LYPD6B: variants seen among roughly 807,000 people sequenced by gnomAD.
LYPD6B encodes the protein LY6/PLAUR domain containing 6B, also known as ly6/PLAUR domain-containing protein 6B.
LYPD6B carries 17 observed loss-of-function variants against 22.8 expected under a neutral mutation model. The ratio of observed to expected loss-of-function variants is 0.75; its 90% CI spans 0.51 to 1.12. The LOEUF is 1.12. Among genes scored for constraint, LYPD6B ranks in the 50% most tolerant of loss-of-function variants. The probability of loss-of-function intolerance (pLI) is 0.00; values close to 1 mark genes in which losing one functional copy is unlikely to be tolerated. For synonymous variants in LYPD6B, 106 were observed against 91.6 expected, an observed-to-expected ratio of 1.16 and a Z score of -0.90; for missense variants, 221 against 258.3, an observed-to-expected ratio of 0.86 and a Z score of 0.99.
At chr2:149,159,726 C>T (rs1689931783) in intron 2 of LYPD6B, among the ~76,000 whole-genome samples, 1 of 151,650 alleles carries the variant, frequency 6.6e-6, no homozygotes, top group African/African-American at 2.4e-5. Flanking sequence ...GGCAGGCTAC[C>T]AGGTTGGAGA....
intron 1 of LYPD6B, among the ~76,000 whole-genome samples, chr2:149,042,203 C>T (rs570636395): frequency 3.3e-5 from 5 of 152,328 alleles, no homozygotes; most frequent in South Asian, 4.1e-4. Flanking sequence ...GTCCAAAGAG[C>T]GATAACTTTG....
At chr2:149,068,724 G>T (rs1300894563) in intron 1 of LYPD6B, 3 of 541,236 alleles carry the variant, frequency 5.5e-6, no homozygotes, top group Non-Finnish European at 1.1e-5. Flanking sequence ...GCAACATCCT[G>T]ACAGTCATCC....
chr2:149,077,008 G>C (rs116400879), intron 1 of LYPD6B, among the ~76,000 whole-genome samples: 2,431 of 152,246 alleles, frequency 0.016, 58 homozygotes, highest in African/African-American at 0.056. Flanking sequence ...GTAGGTGCAG[G>C]GTTTGTAGCC....
intron 3 of LYPD6B, among the ~76,000 whole-genome samples, chr2:149,192,260 C>G (rs1183590953): frequency 1.3e-5 from 2 of 152,024 alleles, no homozygotes; most frequent in Non-Finnish European, 2.9e-5. Context: ...TTCCAGGAAA[C>G]AGTATTAAAT....
At chr2:149,172,452 T>C (rs746964150) in intron 3 of LYPD6B, among the ~76,000 whole-genome samples, 5 of 152,234 alleles carry the variant, frequency 3.3e-5, no homozygotes, top group Admixed American at 6.5e-5. Flanking sequence ...ATGCGTGGAT[T>C]TGTAAGGGCA....
intron 3 of LYPD6B, among the ~76,000 whole-genome samples, chr2:149,170,431 A>G (rs988763907): frequency 2.0e-5 from 3 of 152,116 alleles, no homozygotes; most frequent in Non-Finnish European, 2.9e-5. Flanking sequence ...TCTCTGTGCT[A>G]TATTCTGTTC....
At chr2:149,064,900 G>T (rs2105334118) in intron 1 of LYPD6B, among the ~76,000 whole-genome samples, 1 of 152,280 alleles carries the variant, frequency 6.6e-6, no homozygotes, top group East Asian at 1.9e-4. Context: ...GTCACCTTCT[G>T]GTGCTTTGGT....
At chr2:149,145,234 A>G (rs1316481564) in intron 2 of LYPD6B, among the ~76,000 whole-genome samples, 1 of 152,200 alleles carries the variant, frequency 6.6e-6, no homozygotes, top group African/African-American at 2.4e-5. Flanking sequence ...TCAAATTTCC[A>G]ATAGCTTCAT....
At chr2:149,128,718 C>A (rs1362955014) in intron 1 of LYPD6B, among the ~76,000 whole-genome samples, 1 of 152,134 alleles carries the variant, frequency 6.6e-6, no homozygotes, top group Non-Finnish European at 1.5e-5. Flanking sequence ...GTCAAAATTT[C>A]TTAGGGAAAT....
At chr2:149,116,358 G>C (rs980397187) in intron 1 of LYPD6B, among the ~76,000 whole-genome samples, 15 of 152,092 alleles carry the variant, frequency 9.9e-5, no homozygotes, top group African/African-American at 2.4e-4. Context: ...ACAAAGAGAG[G>C]GGAGATCTAC....
intron 1 of LYPD6B, among the ~76,000 whole-genome samples, chr2:149,096,200 T>G (rs1188756944): frequency 2.0e-5 from 3 of 150,344 alleles, no homozygotes; most frequent in Non-Finnish European, 4.4e-5. Context: ...ACGGAGAGAC[T>G]GAGACACAGA....
rs374365238 is a variant in LYPD6B at position 149,208,299 on chromosome 2, C to CT, written c.230-9dup. ...TTCTGTAGCTTACTGTTTCACTTTG[C>CT]TTTTTTCTTTAAAGCTACACCATTT... On this transcript the variant is annotated splice_polypyrimidine_tract_variant and intron_variant, in intron 4 of 6. Transcript: ENST00000409642. The CT allele has an allele frequency of 6.2e-7, 1 of 1,607,226 alleles. No homozygotes were observed. Among genetic ancestry groups the CT allele is most frequent in the Non-Finnish European group, 8.5e-7 (1 of 1,174,328 alleles).
intron 3 of LYPD6B, among the ~76,000 whole-genome samples, chr2:149,179,188 A>G (rs1691535560): frequency 6.6e-6 from 1 of 152,186 alleles, no homozygotes; most frequent in Non-Finnish European, 1.5e-5. Context: ...GTATTGAGTT[A>G]TCAGGCTGGG....
At chr2:149,145,606 A>T (rs1353812115) in intron 2 of LYPD6B, among the ~76,000 whole-genome samples, 2 of 152,192 alleles carry the variant, frequency 1.3e-5, no homozygotes, top group African/African-American at 2.4e-5. Flanking sequence ...AGCCCATAGA[A>T]GAGAGAAAGA....
At chr2:149,056,520 A>C (rs1013453489) in intron 1 of LYPD6B, among the ~76,000 whole-genome samples, 1 of 152,142 alleles carries the variant, frequency 6.6e-6, no homozygotes, top group African/African-American at 2.4e-5. Context: ...GGAGCCTTGG[A>C]AATCTTTTTT....
At chr2:149,075,728 C>A (rs1024632188) in intron 1 of LYPD6B, among the ~76,000 whole-genome samples, 2 of 152,176 alleles carry the variant, frequency 1.3e-5, no homozygotes, top group Admixed American at 6.5e-5. Flanking sequence ...TAAAGTTGGT[C>A]ATATGACAAT....
At chr2:149,087,504 T>G (rs1316987613) in intron 1 of LYPD6B, among the ~76,000 whole-genome samples, 1 of 152,152 alleles carries the variant, frequency 6.6e-6, no homozygotes, top group African/African-American at 2.4e-5. Flanking sequence ...AGTTCAAGGC[T>G]GCAGTGAGCT....
rs1387365155 is a variant in LYPD6B at position 149,209,576 on chromosome 2, CT to C, written c.328+1168del. On this transcript the variant is annotated intron_variant, in intron 5 of 6. Coordinates refer to ENST00000409642, the MANE Select transcript of LYPD6B (RefSeq NM_177964.5). ...GTTTTGGTCTACTGTTACCCGGAAT[CT>C]TTTGGAAATTCCAGTACCACATTAT... 2.6e-5 allele frequency among the ~76,000 whole-genome samples: 4 copies of C among 152,094 alleles called. No homozygotes were observed. In the East Asian group the frequency reaches 7.7e-4, roughly 29 times the overall value.
chr2:149,163,679 C>T (rs764794792), intron 3 of LYPD6B, among the ~76,000 whole-genome samples: 5 of 152,124 alleles, frequency 3.3e-5, no homozygotes, highest in African/African-American at 4.8e-5. Context: ...TGAGGGAACA[C>T]TGATTTATGG....
Sources: allele counts gnomAD v4.1 joint callset (sites outside exome capture counted in the v4.1 genomes callset), GRCh38; gene constraint gnomAD v4.1.1; transcripts MANE v1.5; gene names NCBI Gene and HGNC (gene_info 2026-07-23, HGNC 2026-07-21).